IFIH1: variants seen among roughly 807,000 people sequenced by gnomAD.
IFIH1 encodes the protein interferon-induced helicase C domain-containing protein 1.
In IFIH1, 125 loss-of-function variants were observed where a neutral mutation model predicts 107.4. The observed-to-expected ratio is 1.16, with a 90% CI of 1.01 to 1.35. The LOEUF is 1.35. IFIH1 is among the 40% of genes most tolerant of loss of function. The pLI is 0.00. For synonymous variants in IFIH1, 458 were observed against 413.2 expected (o/e 1.11, Z -1.31); for missense variants, 1,333 against 1,213.7 (o/e 1.10, Z -1.46).
At chr2:162,279,013 G>A (rs1682760648) in intron 8 of IFIH1, among the ~76,000 whole-genome samples, 1 of 151,988 alleles carries the variant, frequency 6.6e-6, no homozygotes, top group East Asian at 1.9e-4. Context: ...CTGTATGTAT[G>A]TTATGCTTCA....
intron 5 of IFIH1, among the ~76,000 whole-genome samples, chr2:162,286,022 C>A (rs79705678): frequency 6.6e-6 from 1 of 152,056 alleles, no homozygotes; most frequent in East Asian, 1.9e-4. Context: ...TATCTCATGT[C>A]TCCTACGCTC....
intron 1 of IFIH1, among the ~76,000 whole-genome samples, chr2:162,317,324 C>G (rs981142394): frequency 8.6e-5 from 13 of 152,044 alleles, no homozygotes; most frequent in Non-Finnish European, 1.6e-4. Flanking sequence ...CTGAAAAAAA[C>G]AGTAGCAGGC....
rs201525208 is a variant in IFIH1, at chr2:162,281,539, G to C, written c.1313C>G (p.Ser438Cys). ...EDAGVQLSDF[S>C]LIIIDECHHT... ...ATGACATTCATCAATGATAATGAGG[G>C]AAAAGTCTTAAAAGAAAATTCAAAG... is the stretch of plus-strand genomic sequence containing the variant. Residue 438 changes from serine (S) to cysteine (C), a missense_variant, in exon 7 of 16, where the codon TCC (serine) becomes TGC (cysteine). Ser to Cys is a moderately radical substitution (Grantham distance 112, BLOSUM62 -1). Coordinates refer to ENST00000649979, the MANE Select transcript of IFIH1 (RefSeq NM_022168.4). 6.2e-7 allele frequency: 1 copy of C among 1,606,144 alleles called. No individual in the cohort carries two copies.
chr2:162,295,383 T>C (rs191998670), intron 3 of IFIH1, among the ~76,000 whole-genome samples: 326 of 152,120 alleles, frequency 2.1e-3, no homozygotes, highest in Admixed American at 4.4e-3. Context: ...TACTAATTTG[T>C]TCCTTTTTAT....
intron 3 of IFIH1, among the ~76,000 whole-genome samples, chr2:162,303,595 G>T (rs1683228726): frequency 6.6e-6 from 1 of 151,798 alleles, no homozygotes; most frequent in Non-Finnish European, 1.5e-5. Context: ...AAGGAAGAGA[G>T]GGAAGGAAGT....
chr2:162,280,521 A>G (rs577618660), intron 7 of IFIH1, among the ~76,000 whole-genome samples: 78 of 152,178 alleles, frequency 5.1e-4, no homozygotes, highest in Non-Finnish European at 7.8e-4. Context: ...TCAAAGGTCA[A>G]CTTGACATCC....
intron 1 of IFIH1, among the ~76,000 whole-genome samples, chr2:162,313,097 A>C (rs1267666124): frequency 1.3e-5 from 2 of 152,250 alleles, no homozygotes; most frequent in Admixed American, 6.5e-5. Context: ...TACAATTTGA[A>C]TGTGGAACTA....
At chr2:162,272,498 C>T (rs1691062690) in intron 12 of IFIH1, 111 bp from the exon 13 acceptor site, 3 of 854,502 alleles carry the variant, frequency 3.5e-6, no homozygotes, top group South Asian at 3.5e-5. Flanking sequence ...TTGGGTTGTT[C>T]AGCATGCCAG....
chr2:162,291,324 C>G (rs560335485), intron 4 of IFIH1, among the ~76,000 whole-genome samples: 1 of 151,850 alleles, frequency 6.6e-6, no homozygotes, highest in East Asian at 1.9e-4. Context: ...ACAAAGTATT[C>G]CTTTACCTAT....
chr2:162,273,397 C>T (rs918095740), intron 12 of IFIH1, among the ~76,000 whole-genome samples: 1 of 152,100 alleles, frequency 6.6e-6, no homozygotes, highest in African/African-American at 2.4e-5. Flanking sequence ...CAGCAGGGCT[C>T]CCTCAGGTTT....
At chr2:162,280,548 CCTT>C (rs1319447862) in intron 7 of IFIH1, among the ~76,000 whole-genome samples, 4 of 151,858 alleles carry the variant, frequency 2.6e-5, no homozygotes, top group African/African-American at 9.7e-5. Context: ...CATACTACCA[CCTT>C]CTTCTACACA....
At chr2:162,293,501 T>A in intron 4 of IFIH1, 63 bp downstream of exon 4, 1 of 975,418 alleles carries the variant, frequency 1.0e-6, no homozygotes, top group Non-Finnish European at 1.6e-6. Context: ...ACAGCCCCCA[T>A]GCTTCCACTA....
chr2:162,285,215 G>C (rs1304093748), intron 5 of IFIH1, among the ~76,000 whole-genome samples: 2 of 151,992 alleles, frequency 1.3e-5, no homozygotes, highest in Non-Finnish European at 2.9e-5. Context: ...AAGGAACCTG[G>C]GATTTATCTC....
At chr2:162,270,516 C>A (rs1691014869) in intron 13 of IFIH1, among the ~76,000 whole-genome samples, 1 of 152,148 alleles carries the variant, frequency 6.6e-6, no homozygotes, top group Admixed American at 6.5e-5. Flanking sequence ...CATTGCCACT[C>A]CTACTCTAAG....
intron 11 of IFIH1, among the ~76,000 whole-genome samples, chr2:162,276,177 A>G (rs10490426): frequency 1.3e-5 from 2 of 152,202 alleles, no homozygotes; most frequent in South Asian, 4.1e-4. Context: ...CAAAAACCAC[A>G]GATTTGATTG....
intron 1 of IFIH1, among the ~76,000 whole-genome samples, chr2:162,314,475 TCTTTCTTTC>T: frequency 7.5e-6 from 1 of 133,276 alleles, no homozygotes; most frequent in South Asian, 2.2e-4. Context: ...TTTCTTTCTT[TCTTTCTTTC>T]TTTTTCTTTC....
chr2:162,268,034 A>C, intron 14 of IFIH1, 53 bp downstream of exon 14: 1 of 1,281,180 alleles, frequency 7.8e-7, no homozygotes, highest in Admixed American at 2.4e-5. Context: ...TTTACAATGC[A>C]ACCTGCTTCA....
Position 162,277,594 on chromosome 2 carries a change from G to T in IFIH1, c.1865C>A (p.Ala622Glu). ...QINDTIRMIDAYTHLETFYNE... is the reference protein window; with the variant it reads ...QINDTIRMIDEYTHLETFYNE... ...ATAGAAAGTTTCAAGATGAGTATAC[G>T]CATCTATCATTCGAATTGTGTCATT... The change falls in exon 10 of 16, where the codon GCG becomes GAG. Residue 622 changes from alanine to glutamate, a missense_variant. Ala to Glu is a moderately radical substitution (Grantham distance 107). Coordinates refer to ENST00000649979, the MANE Select transcript of IFIH1 (RefSeq NM_022168.4). 3.1e-6 allele frequency: 5 copies of T among 1,609,746 alleles called. No homozygotes were observed. The highest frequency in any genetic ancestry group is 4.3e-6 in the Non-Finnish European group (5 of 1,176,350).
chr2:162,281,048 A>G (rs1393169311), intron 7 of IFIH1, among the ~76,000 whole-genome samples: 4 of 152,062 alleles, frequency 2.6e-5, no homozygotes, highest in South Asian at 4.1e-4. Context: ...AAATTTAACC[A>G]TAAGAGTAGA....
Sources: allele counts gnomAD v4.1 joint callset (sites outside exome capture counted in the v4.1 genomes callset), GRCh38; gene constraint gnomAD v4.1.1; transcripts MANE v1.5; gene names NCBI Gene and HGNC (gene_info 2026-07-23, HGNC 2026-07-21).